Variants in GALNT13 observed in about 807,000 individuals in gnomAD.
GALNT13 encodes polypeptide N-acetylgalactosaminyltransferase 13, also known as UDP-GalNAc:polypeptide N-acetylgalactosaminyltransferase 13.
GALNT13 carries 28 observed loss-of-function variants against 64.2 expected under a neutral mutation model. The ratio of observed to expected loss-of-function variants is 0.44; its 90% CI spans 0.32 to 0.60. GALNT13 has a LOEUF of 0.60. GALNT13 is among the 20% of genes least tolerant of loss of function. The probability of loss-of-function intolerance (pLI) is 0.05; values close to 1 mark genes in which losing one functional copy is unlikely to be tolerated. For missense variants in GALNT13, 577 were observed against 669.8 expected (o/e 0.86, Z 1.53); for synonymous variants, 214 against 224.6 (o/e 0.95, Z 0.42).
chr2:153,506,613 G>A, the GALNT13 span, among the ~76,000 whole-genome samples: 25 of 152,156 alleles, frequency 1.6e-4, no homozygotes, highest in Non-Finnish European at 3.5e-4. Flanking sequence ...AGTTTTGCTG[G>A]ATACAAAATT....
chr2:153,651,751 T>C, the GALNT13 span, among the ~76,000 whole-genome samples: 1 of 152,158 alleles, frequency 6.6e-6, no homozygotes. Context: ...GTTAGGAATG[T>C]AGAATCCTGA....
At chr2:153,500,468 C>A in the GALNT13 span, among the ~76,000 whole-genome samples, 2 of 152,230 alleles carry the variant, frequency 1.3e-5, no homozygotes, top group African/African-American at 4.8e-5. Context: ...AAAAAAGAAA[C>A]CTGCGGGTTA....
At chr2:153,672,471 GA>G in the GALNT13 span, among the ~76,000 whole-genome samples, 7 of 152,226 alleles carry the variant, frequency 4.6e-5, no homozygotes, top group South Asian at 1.2e-3. Flanking sequence ...ATAAAGAAAT[GA>G]AGGCAGAAAT....
chr2:153,201,321 A>T, the GALNT13 span, among the ~76,000 whole-genome samples: 1,330 of 152,308 alleles, frequency 8.7e-3, 11 homozygotes, highest in Non-Finnish European at 0.014. Context: ...AGGTAGAAAA[A>T]CTAACTGCTT....
intron 3 of GALNT13, among the ~76,000 whole-genome samples, chr2:154,018,052 A>G (rs67118447): frequency 0.18 from 28,017 of 152,102 alleles, 4,777 homozygotes; most frequent in East Asian, 0.76. Flanking sequence ...CTTCATTGCA[A>G]TAGAATGAAG....
chr2:154,019,655 A>AG (rs1558911641), intron 3 of GALNT13, among the ~76,000 whole-genome samples: 1 of 108,696 alleles, frequency 9.2e-6, no homozygotes, highest in Non-Finnish European at 2.3e-5. Context: ...CACACACACA[A>AG]AAGCAAGAAA....
chr2:153,907,249 T>G (rs1243929889), intron 2 of GALNT13, among the ~76,000 whole-genome samples: 2 of 151,896 alleles, frequency 1.3e-5, no homozygotes, highest in Admixed American at 1.3e-4. Flanking sequence ...GTTTTTTGTT[T>G]AGAGGTCTTA....
chr2:153,388,783 T>C, the GALNT13 span, among the ~76,000 whole-genome samples: 1 of 152,038 alleles, frequency 6.6e-6, no homozygotes, highest in Non-Finnish European at 1.5e-5. Flanking sequence ...TGGGCCAGGC[T>C]ATCTTCCATG....
the GALNT13 span, among the ~76,000 whole-genome samples, chr2:153,507,010 A>G: frequency 2.6e-5 from 4 of 152,266 alleles, no homozygotes; most frequent in East Asian, 7.7e-4. Flanking sequence ...CATAGTCCCA[A>G]ACTTCTTGGA....
chr2:154,061,814 C>T (rs963756698), intron 3 of GALNT13, among the ~76,000 whole-genome samples: 2 of 152,076 alleles, frequency 1.3e-5, no homozygotes, highest in African/African-American at 2.4e-5. Flanking sequence ...AAATTGCTTT[C>T]GTCATAATTT....
At chr2:153,879,456 C>T (rs886968678) in intron 1 of GALNT13, among the ~76,000 whole-genome samples, 23 of 151,956 alleles carry the variant, frequency 1.5e-4, no homozygotes, top group Admixed American at 2.6e-4. Context: ...AATTATAGTT[C>T]ACTGTAGCCT....
At chr2:154,210,219 C>T (rs1174922835) in intron 4 of GALNT13, among the ~76,000 whole-genome samples, 1 of 152,114 alleles carries the variant, frequency 6.6e-6, no homozygotes, top group Non-Finnish European at 1.5e-5. Flanking sequence ...ACCACATTTT[C>T]CTTATCCACT....
the GALNT13 span, among the ~76,000 whole-genome samples, chr2:153,272,919 T>A: frequency 6.6e-6 from 1 of 152,220 alleles, no homozygotes; most frequent in South Asian, 2.1e-4. Context: ...ATATACACCA[T>A]GGAATACTAT....
At chr2:153,548,418 C>T in the GALNT13 span, among the ~76,000 whole-genome samples, 289 of 152,202 alleles carry the variant, frequency 1.9e-3, 1 homozygote, top group Middle Eastern at 0.01. Context: ...TATTAATAAA[C>T]CAAAAGATAT....
the GALNT13 span, among the ~76,000 whole-genome samples, chr2:153,632,073 A>G: frequency 6.6e-6 from 1 of 152,134 alleles, no homozygotes; most frequent in Non-Finnish European, 1.5e-5. Flanking sequence ...AGAATTATCA[A>G]GCTCTAATCT....
At chr2:154,189,554 G>T (rs1686455078) in intron 4 of GALNT13, among the ~76,000 whole-genome samples, 1 of 150,886 alleles carries the variant, frequency 6.6e-6, no homozygotes. Context: ...GAGCAGCCAT[G>T]CTGGCACCCT....
chr2:154,198,636 G>A (rs1045974432), intron 4 of GALNT13, among the ~76,000 whole-genome samples: 1 of 151,766 alleles, frequency 6.6e-6, no homozygotes, highest in African/African-American at 2.4e-5. Flanking sequence ...CCTATAAGGG[G>A]TACTTGCAGC....
chr2:153,791,746 A>G, the GALNT13 span, among the ~76,000 whole-genome samples: 1 of 152,202 alleles, frequency 6.6e-6, no homozygotes, highest in Non-Finnish European at 1.5e-5. Context: ...TGCAGCCATA[A>G]AAAAGAACAA....
At chr2:154,278,983 A>G (rs1176373561) in intron 8 of GALNT13, among the ~76,000 whole-genome samples, 1 of 152,172 alleles carries the variant, frequency 6.6e-6, no homozygotes, top group African/African-American at 2.4e-5. Context: ...CTAAAAATGA[A>G]TAAGGAACTA....
Sources: allele counts gnomAD v4.1 joint callset (sites outside exome capture counted in the v4.1 genomes callset), GRCh38; gene constraint gnomAD v4.1.1; transcripts MANE v1.5; gene names NCBI Gene and HGNC (gene_info 2026-07-23, HGNC 2026-07-21).